Variants in NBEA observed in about 807,000 individuals in gnomAD.
NBEA encodes neurobeachin.
In NBEA, 44 loss-of-function variants were observed where a neutral mutation model predicts 343.4. That is an observed-to-expected ratio of 0.13 (90% CI 0.10 to 0.16). The LOEUF (loss-of-function observed/expected upper bound fraction) is 0.16. Among genes scored for constraint, NBEA ranks in the 10% least tolerant of loss-of-function variants. NBEA has a pLI of 1.00. For synonymous variants in NBEA, 1,175 were observed against 1,238.7 expected, an observed-to-expected ratio of 0.95 and a Z score of 1.08; for missense variants, 2,555 against 3,631.3, an observed-to-expected ratio of 0.70 and a Z score of 7.62.
intron 36 of NBEA, among the ~76,000 whole-genome samples, chr13:35,316,693 C>A (rs1389017949): frequency 1.3e-5 from 2 of 152,144 alleles, no homozygotes; most frequent in Non-Finnish European, 2.9e-5. Flanking sequence ...CACTGTCTTC[C>A]ACAGTGGTCA....
chr13:35,100,511 G>C (rs1056274805), intron 11 of NBEA, among the ~76,000 whole-genome samples: 1 of 151,914 alleles, frequency 6.6e-6, no homozygotes, highest in African/African-American at 2.4e-5. Context: ...CATATGAAAT[G>C]CCTTTGTAAG....
intron 38 of NBEA, among the ~76,000 whole-genome samples, chr13:35,413,194 A>G (rs1408036001): frequency 2.0e-5 from 3 of 152,118 alleles, no homozygotes; most frequent in Non-Finnish European, 2.9e-5. Flanking sequence ...GAAAAGTACA[A>G]TTTTAAAATG....
At chr13:35,117,202 C>G (rs1427587850) in intron 13 of NBEA, among the ~76,000 whole-genome samples, 1 of 151,590 alleles carries the variant, frequency 6.6e-6, no homozygotes, top group Non-Finnish European at 1.5e-5. Context: ...TCCACAAAAT[C>G]AGACATTCAG....
Position 35,021,510 on chromosome 13 carries a change from G to A in NBEA, c.295-19423G>A, listed in dbSNP as rs79942621. 1.7e-3 allele frequency among the ~76,000 whole-genome samples: 251 copies of A among 151,936 alleles called. 6 individuals carry two copies. In the East Asian group the frequency reaches 0.039, roughly 23 times the overall value. On this transcript the variant is annotated intron_variant, in intron 1 of 58. Coordinates refer to ENST00000379939, the MANE Select transcript of NBEA (RefSeq NM_001385012.1). ...GGCAGTTATCATTGCTGTTTATTCC[G>A]TATTTATTACATCTGTTTTTCTTTC...
At chr13:35,153,255 G>T (rs187383009) in intron 18 of NBEA, among the ~76,000 whole-genome samples, 1 of 151,750 alleles carries the variant, frequency 6.6e-6, no homozygotes, top group East Asian at 1.9e-4. Context: ...GGATGGTCTC[G>T]ATCTCCTGAC....
intron 41 of NBEA, among the ~76,000 whole-genome samples, chr13:35,520,429 C>T (rs1035918973): frequency 2.0e-5 from 3 of 152,098 alleles, no homozygotes; most frequent in South Asian, 4.1e-4. Context: ...CCTATACCAG[C>T]GAGATTCTAA....
At chr13:35,051,228 A>G (rs1284299945) in intron 6 of NBEA, among the ~76,000 whole-genome samples, 4 of 151,988 alleles carry the variant, frequency 2.6e-5, no homozygotes, top group Non-Finnish European at 5.9e-5. Context: ...TCTTGGGTAT[A>G]TGACAGTGAG....
In NBEA at chr13:34,994,804, A is replaced by G. The variant is rs546528022; in HGVS notation, c.295-46129A>G. Among the ~76,000 whole-genome samples, 12 of 152,346 alleles carry G rather than the reference A, an allele frequency of 7.9e-5. No individual in the cohort carries two copies. The East Asian group carries it at 2.3e-3, about 29-fold the overall frequency. ...TGGCAGATGGCTGGAAGTCCAAGTC[A>G]TCTTTTTTCTGAGACTCTTGTGCAT... On this transcript the variant is annotated intron_variant, in intron 1 of 58. Coordinates refer to ENST00000379939, the MANE Select transcript of NBEA (RefSeq NM_001385012.1).
At chr13:35,168,406 C>T (rs2152719897) in intron 24 of NBEA, among the ~76,000 whole-genome samples, 1 of 151,464 alleles carries the variant, frequency 6.6e-6, no homozygotes, top group Non-Finnish European at 1.5e-5. Context: ...TTTAGTATAT[C>T]AAGTTATTTT....
At chr13:35,349,393 A>T (rs1319695548) in intron 37 of NBEA, among the ~76,000 whole-genome samples, 177 bp downstream of exon 37, 1 of 152,088 alleles carries the variant, frequency 6.6e-6, no homozygotes, top group Non-Finnish European at 1.5e-5. Context: ...TTTTCACCCC[A>T]TTTACAGCAT....
intron 35 of NBEA, among the ~76,000 whole-genome samples, chr13:35,301,954 A>G (rs1158500138): frequency 1.3e-5 from 2 of 152,138 alleles, no homozygotes; most frequent in African/African-American, 4.8e-5. Flanking sequence ...GCTGATACAA[A>G]CTTATCTTTA....
At chr13:35,211,763 G>A (rs563103304) in intron 33 of NBEA, among the ~76,000 whole-genome samples, 1 of 152,244 alleles carries the variant, frequency 6.6e-6, no homozygotes, top group African/African-American at 2.4e-5. Flanking sequence ...AGGTTGCAGT[G>A]AGCCTAGATC....
At chr13:35,344,642 A>C (rs1318477114) in intron 36 of NBEA, among the ~76,000 whole-genome samples, 2 of 152,230 alleles carry the variant, frequency 1.3e-5, no homozygotes, top group South Asian at 4.1e-4. Context: ...TATACCATTA[A>C]AATTACAAAT....
chr13:35,330,650 A>G (rs1165296124), intron 36 of NBEA, among the ~76,000 whole-genome samples: 1 of 152,040 alleles, frequency 6.6e-6, no homozygotes, highest in Admixed American at 6.6e-5. Context: ...GATAGTTCCC[A>G]TAGTGAATTA....
chr13:35,347,839 T>G (rs982415586), intron 36 of NBEA, among the ~76,000 whole-genome samples: 4 of 152,050 alleles, frequency 2.6e-5, no homozygotes, highest in Non-Finnish European at 5.9e-5. Flanking sequence ...GTGTCCTGAA[T>G]GTGACTTACT....
At chr13:35,283,349 T>C (rs1241124031) in intron 34 of NBEA, among the ~76,000 whole-genome samples, 1 of 152,054 alleles carries the variant, frequency 6.6e-6, no homozygotes, top group East Asian at 1.9e-4. Context: ...AAACTTAACT[T>C]TGTTTCTGAG....
intron 1 of NBEA, among the ~76,000 whole-genome samples, chr13:34,965,155 C>T (rs1412800459): frequency 6.6e-6 from 1 of 151,956 alleles, no homozygotes; most frequent in Non-Finnish European, 1.5e-5. Context: ...ACTTGTATTT[C>T]TAGGTAGTTG....
chr13:35,452,257 T>C, intron 40 of NBEA, 22 bp downstream of exon 40: 1 of 1,533,072 alleles, frequency 6.5e-7, no homozygotes, highest in Admixed American at 2.1e-5. Context: ...AATATATTTT[T>C]CCTATTTGTT....
intron 48 of NBEA, among the ~76,000 whole-genome samples, chr13:35,615,287 C>CAAA (rs35687768): frequency 5.5e-4 from 64 of 116,832 alleles, no homozygotes; most frequent in East Asian, 2.1e-3. Flanking sequence ...GACCCTGTCT[C>CAAA]AAAAAAAAAA....
Sources: gnomAD v4.1 joint callset for allele counts (sites outside exome capture counted in the v4.1 genomes callset) on GRCh38, gnomAD v4.1.1 for gene constraint, MANE v1.5 for transcripts, NCBI Gene and HGNC (gene_info 2026-07-23, HGNC 2026-07-21) for gene names.